WSB2: variants seen among roughly 807,000 people sequenced by gnomAD.
The protein encoded by WSB2 is WD repeat and SOCS box containing 2, also known as WD repeat and SOCS box-containing protein 2.
Under a neutral mutation model 48.8 loss-of-function variants are expected in WSB2, and 12 were observed. The observed-to-expected ratio is 0.25, with a 90% CI of 0.16 to 0.40. The LOEUF is 0.40. Ranked by LOEUF, WSB2 falls within the 10% of genes least tolerant of loss-of-function variation. The pLI, the probability that WSB2 is intolerant of heterozygous loss-of-function variation, is 1.00. For missense variants in WSB2, 317 were observed against 506.2 expected (o/e 0.63, Z 3.59); for synonymous variants, 191 against 203.1 (o/e 0.94, Z 0.51).
At chr12:118,034,597 A>ATCTCTCTCTCTCTCTCTCTCTCTCTCTT (rs2031461713) in intron 8 of WSB2, 1 of 429,326 alleles carries the variant, frequency 2.3e-6, no homozygotes, top group Admixed American at 4.5e-5. Context: ...CTCTCTCGGC[A>ATCTCTCTCTCTCTCTCTCTCTCTCTCTT]CAGCCCTTTC....
rs562499933 is a variant in WSB2 at position 118,033,514 on chromosome 12, A to G, written c.*682T>C. On this transcript the variant is annotated 3_prime_UTR_variant, in exon 9 of 9. Transcript: ENST00000315436. ...ACATCCTTGTATAATCTGACATACA[A>G]ATTTGTCATTTCCTGCACATGCACA... 5.3e-4 allele frequency: 81 copies of G among 152,386 alleles called. No individual in the cohort carries two copies. Among genetic ancestry groups the G allele is most frequent in the African/African-American group, 1.9e-3 (79 of 41,392 alleles). 9.4% of individuals were successfully genotyped at this position (152,386 alleles called of 1,614,324 possible).
At chr12:118,059,714 G>A (rs1353024555) in intron 1 of WSB2, among the ~76,000 whole-genome samples, 3 of 136,360 alleles carry the variant, frequency 2.2e-5, no homozygotes, top group Non-Finnish European at 3.3e-5. Context: ...GAAATCAAAC[G>A]GAAGCTATAA....
At chr12:118,047,847 A>C (rs1032811692) in intron 2 of WSB2, among the ~76,000 whole-genome samples, 1 of 152,260 alleles carries the variant, frequency 6.6e-6, no homozygotes, top group African/African-American at 2.4e-5. Flanking sequence ...TAAACGTCTC[A>C]CTATAAATTT....
At chr12:118,056,499 A>G (rs1228082321) in intron 1 of WSB2, among the ~76,000 whole-genome samples, 1 of 152,224 alleles carries the variant, frequency 6.6e-6, no homozygotes, top group African/African-American at 2.4e-5. Context: ...AGGGAGCAAG[A>G]ACTTTGTATA....
chr12:118,038,259 G>A (rs761837781), intron 5 of WSB2, 29 bp downstream of exon 5: 1 of 1,599,650 alleles, frequency 6.3e-7, no homozygotes, highest in Admixed American at 1.7e-5. Context: ...ATGTCTCAGT[G>A]AATTAAAGCA....
At chr12:118,044,925 C>T (rs1372704381) in intron 2 of WSB2, among the ~76,000 whole-genome samples, 2 of 152,146 alleles carry the variant, frequency 1.3e-5, no homozygotes, top group East Asian at 3.8e-4. Context: ...AAACTCAATG[C>T]ATACGTAGTT....
Position 118,055,769 on chromosome 12 carries a change from C to A in WSB2, c.14-3291G>T, listed in dbSNP as rs1183106561. ...AGCTGGGATTACAGGCGTGCACCAC[C>A]ACACCCAGCTAATTTTTGTATTTTT... On this transcript the variant is annotated intron_variant, in intron 1 of 8. Transcript: ENST00000315436. 2.0e-5 allele frequency among the ~76,000 whole-genome samples: 3 copies of A among 151,846 alleles called. No homozygotes were observed. The East Asian group carries it at 5.8e-4, about 30-fold the overall frequency.
Position 118,060,636 on chromosome 12 carries a change from C to T in WSB2, c.13+400G>A, listed in dbSNP as rs900867093. ...AGCTTGTGAGGGACAGAGGTGACTCCCATCCAGACATGCAAGTGCGTCCCC... is the reference window on the plus strand; with the variant it reads ...AGCTTGTGAGGGACAGAGGTGACTCTCATCCAGACATGCAAGTGCGTCCCC... On this transcript the variant is annotated intron_variant, in intron 1 of 8. Transcript: ENST00000315436. This position sits in a 1 kb window ranked among gnomAD's most constrained non-coding sequence, Gnocchi z 4.1. 1.3e-5 allele frequency among the ~76,000 whole-genome samples: 2 copies of T among 152,096 alleles called. No homozygotes were observed. Among genetic ancestry groups the T allele is most frequent in the African/African-American group, 4.8e-5 (2 of 41,444 alleles).
intron 1 of WSB2, among the ~76,000 whole-genome samples, chr12:118,058,025 G>A (rs573630141): frequency 6.1e-4 from 92 of 151,824 alleles, no homozygotes; most frequent in African/African-American, 2.1e-3. Flanking sequence ...CTGCAGGCAT[G>A]AGCCATTGCA....
Position 118,032,911 on chromosome 12 carries a change from T to TG in WSB2, c.*1284_*1285insC, listed in dbSNP as rs1447753576. The TG allele has an allele frequency of 6.6e-6, 1 of 152,130 alleles. No homozygotes were observed. The highest frequency in any genetic ancestry group is 6.5e-5 in the Admixed American group (1 of 15,272). 9.4% of individuals were successfully genotyped at this position (152,130 alleles called of 1,614,324 possible). On this transcript the variant is annotated 3_prime_UTR_variant, in exon 9 of 9. Transcript: ENST00000315436. The stretch of plus-strand genomic sequence containing the variant: ...AAATGAAACAGAGAGCCAAAAGCTT[T>TG]TAACTGTTGTTTTTTTCTTTTCTTC...
At chr12:118,051,233 A>C (rs1355480364) in intron 2 of WSB2, among the ~76,000 whole-genome samples, 1 of 152,186 alleles carries the variant, frequency 6.6e-6, no homozygotes, top group Non-Finnish European at 1.5e-5. Flanking sequence ...ACCTGAATCC[A>C]CTGCTGGTGG....
intron 1 of WSB2, among the ~76,000 whole-genome samples, chr12:118,059,795 GA>G (rs1222021135): frequency 3.3e-5 from 5 of 152,196 alleles, no homozygotes; most frequent in African/African-American, 1.2e-4. Flanking sequence ...AACACTCACT[GA>G]AAAGAAAGCC....
At chr12:118,042,705 C>T (rs2031662157) in intron 4 of WSB2, 136 bp downstream of exon 4, 1 of 1,435,852 alleles carries the variant, frequency 7.0e-7, no homozygotes, top group Non-Finnish European at 9.3e-7. Context: ...AAAAAACTGT[C>T]TAAAAGGCTC....
chr12:118,052,399 G>A lies in WSB2; in HGVS notation c.93C>T (p.Ser31=), dbSNP rs777807817. The change falls in exon 2 of 9, where the codon AGC becomes AGT. Residue 31 remains serine (S), a synonymous_variant. Coordinates refer to ENST00000315436, the MANE Select transcript of WSB2 (RefSeq NM_018639.5). ...AGGAGCCATCTGGGGAGAAGGCGAC[G>A]CTCCAGGTTTCACAGCTGGACTTCC... is the stretch of plus-strand genomic sequence containing the variant. ...FDWKSSCETW[S]VAFSPDGSWF... is the part of the protein sequence containing the mutation. The A allele has an allele frequency of 3.8e-5, 61 of 1,614,070 alleles. No individual in the cohort carries two copies. In the Middle Eastern group the frequency reaches 9.9e-4, roughly 26 times the overall value.
intron 6 of WSB2, 130 bp from the exon 7 acceptor site, chr12:118,035,454 G>C: frequency 1.4e-6 from 1 of 730,580 alleles, no homozygotes; most frequent in East Asian, 2.6e-5. Flanking sequence ...TGCCCCTCGT[G>C]GAAAAGCTTG....
intron 1 of WSB2, among the ~76,000 whole-genome samples, chr12:118,053,522 A>G (rs1394735245): frequency 1.3e-5 from 2 of 152,094 alleles, no homozygotes; most frequent in South Asian, 2.1e-4. Context: ...CGCCCTCGTC[A>G]TCAGTGTCTA....
intron 7 of WSB2, 48 bp downstream of exon 7, chr12:118,035,166 T>G (rs2031478992): frequency 6.2e-7 from 1 of 1,612,778 alleles, no homozygotes; most frequent in South Asian, 1.1e-5. Context: ...CTGCCATTAC[T>G]TGCAAGCACT....
intron 1 of WSB2, among the ~76,000 whole-genome samples, chr12:118,057,495 G>A (rs11068794): frequency 0.097 from 14,678 of 152,070 alleles, 1,225 homozygotes; most frequent in East Asian, 0.42. Flanking sequence ...GGCTGGTCTC[G>A]AACTCCTGAC....
intron 1 of WSB2, among the ~76,000 whole-genome samples, chr12:118,058,429 C>G (rs2032001625): frequency 6.6e-6 from 1 of 152,072 alleles, no homozygotes; most frequent in African/African-American, 2.4e-5. Flanking sequence ...CTCACTGCAA[C>G]CTCGACCTCC....
Sources: allele counts gnomAD v4.1 joint callset (sites outside exome capture counted in the v4.1 genomes callset), GRCh38; gene constraint gnomAD v4.1.1; non-coding constraint Gnocchi (gnomAD v3.1); transcripts MANE v1.5; gene names NCBI Gene and HGNC (gene_info 2026-07-23, HGNC 2026-07-21).